The following ALKAL1 variants were observed in gnomAD, a reference collection of about 807,000 sequenced individuals.
ALKAL1 encodes the protein ALK and LTK ligand 1.
ALKAL1 carries 23 observed loss-of-function variants against 13.5 expected under a neutral mutation model. The observed-to-expected ratio is 1.70, with a 90% CI of 1.23 to 2.41. The LOEUF is 2.41. ALKAL1 is among the 30% of genes most tolerant of loss of function. ALKAL1 has a pLI of 0.00. For synonymous variants in ALKAL1, 85 were observed against 77.7 expected, an observed-to-expected ratio of 1.09 and a Z score of -0.49; for missense variants, 181 against 178.4, an observed-to-expected ratio of 1.01 and a Z score of -0.08.
At chr8:52,548,761 G>T (rs576883528) in intron 1 of ALKAL1, among the ~76,000 whole-genome samples, 3 of 152,196 alleles carry the variant, frequency 2.0e-5, no homozygotes. Flanking sequence ...TTGAATAAAT[G>T]ACTATCTCAT....
At chr8:52,545,464 T>C (rs900842238) in intron 1 of ALKAL1, among the ~76,000 whole-genome samples, 2 of 152,030 alleles carry the variant, frequency 1.3e-5, no homozygotes, top group African/African-American at 4.8e-5. Context: ...CAAACTTTTG[T>C]CTCTTATCTA....
chr8:52,565,233 G>T lies in ALKAL1; in HGVS notation c.24C>A (p.Ala8=). 7.6e-7 allele frequency: 1 copy of T among 1,324,382 alleles called. No individual in the cohort carries two copies. Among genetic ancestry groups the T allele is most frequent in the Non-Finnish European group, 9.7e-7 (1 of 1,030,138 alleles). The allele number at this position is 1,324,382 out of a possible 1,614,324, so 82.0% of individuals were successfully genotyped here. A position where few individuals can be genotyped will look rare whatever the true frequency, so the allele number is the denominator to read the frequency against. The stretch of plus-strand genomic sequence containing the variant: ...CCAGCAGGAAGAGTGCGGGCAAAGG[G>T]GCGCCGGGCTTAAGGGGCCGCATGT... MRPLKPG[A]PLPALFLLAL... The change falls in exon 1 of 5, where the codon GCC becomes GCA. Residue 8 remains alanine (A), a synonymous_variant. Transcript: ENST00000358543.
chr8:52,543,953 A>G (rs1211993874), intron 1 of ALKAL1, among the ~76,000 whole-genome samples: 1 of 152,182 alleles, frequency 6.6e-6, no homozygotes, highest in Non-Finnish European at 1.5e-5. Context: ...ACATATTTTA[A>G]GTAAATTACC....
At chr8:52,539,799 TAAA>T in intron 3 of ALKAL1, 29 bp downstream of exon 3, 10 of 1,249,626 alleles carry the variant, frequency 8.0e-6, no homozygotes, top group South Asian at 1.4e-5. Context: ...GTTGGATAAT[TAAA>T]AAAAAAAAAA....
At chr8:52,534,699 T>C in intron 4 of ALKAL1, 99 bp from the exon 5 acceptor site, 1 of 459,296 alleles carries the variant, frequency 2.2e-6, no homozygotes, top group Non-Finnish European at 3.8e-6. Context: ...TTAAAGACTC[T>C]GTGGACTCCT....
intron 1 of ALKAL1, among the ~76,000 whole-genome samples, chr8:52,556,167 AAG>A (rs1847479329): frequency 6.6e-6 from 1 of 152,200 alleles, no homozygotes; most frequent in African/African-American, 2.4e-5. Flanking sequence ...TTTATGCAGC[AAG>A]AGTTTTCCAG....
intron 1 of ALKAL1, among the ~76,000 whole-genome samples, chr8:52,562,302 AG>A (rs1272922186): frequency 1.3e-5 from 2 of 152,186 alleles, no homozygotes; most frequent in Non-Finnish European, 2.9e-5. Context: ...GACACTAAAA[AG>A]GAAGACCCAG....
intron 1 of ALKAL1, among the ~76,000 whole-genome samples, chr8:52,556,589 G>A (rs895814492): frequency 1.0e-4 from 14 of 138,466 alleles, no homozygotes; most frequent in Admixed American, 3.1e-4. Context: ...GGAGCTTGCA[G>A]TGAGTCGAGA....
intron 4 of ALKAL1, 34 bp from the exon 5 acceptor site, chr8:52,534,634 G>T: frequency 1.7e-6 from 1 of 575,108 alleles, no homozygotes; most frequent in Non-Finnish European, 3.1e-6. Flanking sequence ...TATCATTTAT[G>T]ACCTGGTTTT....
intron 1 of ALKAL1, among the ~76,000 whole-genome samples, chr8:52,561,252 A>G (rs1444383981): frequency 2.0e-5 from 3 of 152,192 alleles, no homozygotes; most frequent in African/African-American, 7.2e-5. Context: ...AAATCCCACT[A>G]TTACGCAAGC....
Position 52,565,212 on chromosome 8 carries a change from CAGGA to C in ALKAL1, c.41_44del (p.Phe14CysfsTer58), listed in dbSNP as rs1847588931. The C allele has an allele frequency of 7.5e-7, 1 of 1,336,496 alleles. No homozygotes were observed. Among genetic ancestry groups the C allele is most frequent in the African/African-American group, 1.5e-5 (1 of 65,056 alleles). The allele number at this position is 1,336,496 out of a possible 1,614,324, so 82.8% of individuals were successfully genotyped here. ...CGTGCGGGGACAAAGCCAGCGCCAG[CAGGA>C]AGAGTGCGGGCAAAGGGGCGCCGGG... On this transcript the variant is annotated frameshift_variant, in exon 1 of 5. Coordinates refer to ENST00000358543, the MANE Select transcript of ALKAL1 (RefSeq NM_207413.4). LOFTEE classifies it high-confidence loss of function.
At chr8:52,559,893 T>G (rs1847522343) in intron 1 of ALKAL1, among the ~76,000 whole-genome samples, 2 of 152,246 alleles carry the variant, frequency 1.3e-5, no homozygotes, top group South Asian at 4.1e-4. Context: ...AAATTCAAAT[T>G]ATTTTAGTTT....
chr8:52,565,051 G>T lies in ALKAL1; in HGVS notation c.190+16C>A. On this transcript the variant is annotated intron_variant, in intron 1 of 4. Transcript: ENST00000358543. ...AGGCGCAGGGCAAAGGATGGGGCGG[G>T]ATGGGGACATCGTACCTGCGCTCCG... The T allele has an allele frequency of 7.3e-7, 1 of 1,377,460 alleles. No individual in the cohort carries two copies. The allele number at this position is 1,377,460 out of a possible 1,614,324, so 85.3% of individuals were successfully genotyped here. A position where few individuals can be genotyped will look rare whatever the true frequency, so the allele number is the denominator to read the frequency against.
At chr8:52,539,000 A>T (rs1478270185) in intron 3 of ALKAL1, among the ~76,000 whole-genome samples, 2 of 151,986 alleles carry the variant, frequency 1.3e-5, no homozygotes, top group African/African-American at 4.8e-5. Context: ...CCATGTTGCC[A>T]AGGCTGGTCT....
intron 1 of ALKAL1, among the ~76,000 whole-genome samples, chr8:52,547,794 C>A (rs1452180047): frequency 6.6e-6 from 1 of 152,064 alleles, no homozygotes; most frequent in African/African-American, 2.4e-5. Flanking sequence ...TTGAGACCAG[C>A]CCAGGCAACA....
In ALKAL1 at chr8:52,537,872, G is replaced by A. The variant is rs138840402; in HGVS notation, c.*12+559C>T. On this transcript the variant is annotated intron_variant, in intron 4 of 4. Transcript: ENST00000358543. ...AGCAGTTTGGGAGGCTGAGGTGGGC[G>A]GATCACTTGAGGTCAGGAGTTTGAG... Among the ~76,000 whole-genome samples, 399 of 152,144 alleles carry A rather than the reference G, an allele frequency of 2.6e-3. 1 individual carries two copies. Among genetic ancestry groups the A allele is most frequent in the South Asian group, 0.011 (51 of 4,822 alleles).
At chr8:52,542,571 T>A in intron 1 of ALKAL1, 126 bp from the exon 2 acceptor site, 1 of 643,252 alleles carries the variant, frequency 1.6e-6, no homozygotes, top group South Asian at 2.0e-5. Context: ...ATTTAGCTGA[T>A]CCCAAACTGG....
intron 1 of ALKAL1, 27 bp downstream of exon 1, chr8:52,565,040 G>A: frequency 7.4e-7 from 1 of 1,356,338 alleles, no homozygotes; most frequent in Non-Finnish European, 9.5e-7. Context: ...GCAGGGCAAA[G>A]GATGGGGCGG....
chr8:52,534,533 C>CT lies in ALKAL1; in HGVS notation c.*79dup, dbSNP rs1335583791. The CT allele has an allele frequency of 5.3e-5, 31 of 584,878 alleles. No homozygotes were observed. Among genetic ancestry groups the CT allele is most frequent in the Non-Finnish European group, 6.9e-5 (23 of 334,050 alleles). 36.2% of individuals were successfully genotyped at this position (584,878 alleles called of 1,614,324 possible). ...ATATCCATAAAAATATAAATTTCAT[C>CT]TTTTTTTACATTTTGCATGATTTGA... On this transcript the variant is annotated 3_prime_UTR_variant, in exon 5 of 5. Transcript: ENST00000358543.
Sources: allele counts gnomAD v4.1 joint callset (sites outside exome capture counted in the v4.1 genomes callset), GRCh38; gene constraint gnomAD v4.1.1; transcripts MANE v1.5; gene names NCBI Gene and HGNC (gene_info 2026-07-23, HGNC 2026-07-21).